Variants in VPS26B observed in about 807,000 individuals in gnomAD.
VPS26B encodes VPS26 retromer complex component B.
In VPS26B, 10 loss-of-function variants were observed where a neutral mutation model predicts 33.3. The ratio of observed to expected loss-of-function variants is 0.30; its 90% CI spans 0.19 to 0.51. The LOEUF (loss-of-function observed/expected upper bound fraction) is 0.51, where lower values mean the gene tolerates loss of function less well. Among genes scored for constraint, VPS26B ranks in the 20% least tolerant of loss-of-function variants. VPS26B has a pLI of 0.98. For missense variants in VPS26B, 317 were observed against 452.7 expected, an observed-to-expected ratio of 0.70 and a Z score of 2.72; for synonymous variants, 190 against 176.9, an observed-to-expected ratio of 1.07 and a Z score of -0.59.
At chr11:134,229,136 C>T (rs891890842) in intron 1 of VPS26B, among the ~76,000 whole-genome samples, 5 of 152,160 alleles carry the variant, frequency 3.3e-5, no homozygotes, top group Admixed American at 2.0e-4. Context: ...CTCAAGCAAT[C>T]CTCCCATCTC....
chr11:134,236,644 A>G (rs1434727250), intron 2 of VPS26B: 4 of 152,272 alleles, frequency 2.6e-5, no homozygotes, highest in African/African-American at 9.6e-5. Context: ...AAGGAAGGAC[A>G]TTCTGTCCTA....
At chr11:134,241,250 A>G (rs1398471816) in intron 3 of VPS26B, among the ~76,000 whole-genome samples, 1 of 151,526 alleles carries the variant, frequency 6.6e-6, no homozygotes, top group African/African-American at 2.4e-5. Flanking sequence ...ACTGTCATCC[A>G]GAGGCTGGGA....
chr11:134,232,137 C>T (rs1000894427), intron 1 of VPS26B, among the ~76,000 whole-genome samples: 1 of 149,956 alleles, frequency 6.7e-6, no homozygotes, highest in Non-Finnish European at 1.5e-5. Context: ...TAACCAAAAA[C>T]TTACTCAGTT....
At chr11:134,238,875 G>A (rs1050907497) in intron 2 of VPS26B, among the ~76,000 whole-genome samples, 4 of 152,192 alleles carry the variant, frequency 2.6e-5, no homozygotes, top group East Asian at 1.9e-4. Flanking sequence ...GATTACAGGC[G>A]TGAACCACCG....
In VPS26B at chr11:134,246,893, C is replaced by T. The variant is rs1360776438; in HGVS notation, c.*1303C>T. On this transcript the variant is annotated 3_prime_UTR_variant, in exon 6 of 6. Coordinates refer to ENST00000281187, the MANE Select transcript of VPS26B (RefSeq NM_052875.5). ...CTGGAAATGACAGGCATTACTCTCC[C>T]ATTGGCCTCCCTTCCCTTTATAGAA... is the stretch of plus-strand genomic sequence containing the variant. 1 of 152,116 alleles carries T rather than the reference C, an allele frequency of 6.6e-6. No individual in the cohort carries two copies. Among genetic ancestry groups the T allele is most frequent in the Non-Finnish European group, 1.5e-5 (1 of 68,038 alleles). The allele number at this position is 152,116 out of a possible 1,614,324, so 9.4% of individuals were successfully genotyped here.
At chr11:134,242,324 T>G (rs1938739661) in intron 3 of VPS26B, among the ~76,000 whole-genome samples, 1 of 152,226 alleles carries the variant, frequency 6.6e-6, no homozygotes, top group African/African-American at 2.4e-5. Flanking sequence ...CTCTACCCCC[T>G]ACTCACATCC....
In VPS26B at chr11:134,225,117, G is replaced by A. The variant is rs746158981; in HGVS notation, c.-6G>A. Reference sequence around the variant, plus strand: ...CTTACCGAGACCCGCCCGGCCCGGCGGTGCGATGAGCTTCTTCGGCTTCGG... The same window carrying A: ...CTTACCGAGACCCGCCCGGCCCGGCAGTGCGATGAGCTTCTTCGGCTTCGG... On this transcript the variant is annotated 5_prime_UTR_variant, in exon 1 of 6. Coordinates refer to ENST00000281187, the MANE Select transcript of VPS26B (RefSeq NM_052875.5). 3 of 1,597,334 alleles carry A rather than the reference G, an allele frequency of 1.9e-6. No homozygotes were observed. Among genetic ancestry groups the A allele is most frequent in the Non-Finnish European group, 2.6e-6 (3 of 1,170,204 alleles).
chr11:134,231,130 G>A (rs1228108556), intron 1 of VPS26B, among the ~76,000 whole-genome samples: 1 of 152,186 alleles, frequency 6.6e-6, no homozygotes, highest in Non-Finnish European at 1.5e-5. Flanking sequence ...GGAGACTAAT[G>A]GGTTAAATAA....
intron 1 of VPS26B, among the ~76,000 whole-genome samples, chr11:134,227,608 C>G (rs1296663292): frequency 6.6e-6 from 1 of 152,184 alleles, no homozygotes; most frequent in Non-Finnish European, 1.5e-5. Context: ...TGAATTTTCT[C>G]AGAACCTTTT....
chr11:134,227,455 CAG>C (rs367903497), intron 1 of VPS26B, among the ~76,000 whole-genome samples: 2 of 152,208 alleles, frequency 1.3e-5, no homozygotes, highest in African/African-American at 4.8e-5. Context: ...CTGCCCCAGA[CAG>C]TGTGAAATTA....
In VPS26B at chr11:134,240,221, G is replaced by A; in HGVS notation, c.545+66G>A. 1 of 1,539,264 alleles carries A rather than the reference G, an allele frequency of 6.5e-7. No homozygotes were observed. ...GGAGGTTAAGATGGGACTTGATGCA[G>A]ATGCAAACTGATGACCCTCTGTGAC... On this transcript the variant is annotated intron_variant, in intron 3 of 5. Transcript: ENST00000281187. This position sits in a 1 kb window ranked among gnomAD's most constrained non-coding sequence, Gnocchi z 4.4.
chr11:134,234,775 T>C lies in VPS26B; in HGVS notation c.224-122T>C, dbSNP rs531431320. On this transcript the variant is annotated intron_variant, in intron 1 of 5. Coordinates refer to ENST00000281187, the MANE Select transcript of VPS26B (RefSeq NM_052875.5). The stretch of plus-strand genomic sequence containing the variant: ...CAAGAAAACAAGGCTAGAAGGGGTC[T>C]GTTCTGCAGGGAGGTCCTTCCAGAA... 6 of 1,200,302 alleles carry C rather than the reference T, an allele frequency of 5.0e-6. No homozygotes were observed. In the African/African-American group the frequency reaches 9.2e-5, roughly 18 times the overall value. The allele number at this position is 1,200,302 out of a possible 1,614,324, so 74.4% of individuals were successfully genotyped here. A position where few individuals can be genotyped will look rare whatever the true frequency, so the allele number is the denominator to read the frequency against.
chr11:134,245,134 C>T lies in VPS26B; in HGVS notation c.864+54C>T, dbSNP rs1160465733. On this transcript the variant is annotated intron_variant, in intron 5 of 5. Coordinates refer to ENST00000281187, the MANE Select transcript of VPS26B (RefSeq NM_052875.5). This position sits in a 1 kb window ranked among gnomAD's most constrained non-coding sequence, Gnocchi z 4.7. ...TGCCCTTGGGACAGAACAGGAGGCT[C>T]TCTTTCCTATGGAAGGTCAGACTCC... 3 of 1,589,088 alleles carry T rather than the reference C, an allele frequency of 1.9e-6. No homozygotes were observed. The highest frequency in any genetic ancestry group is 1.4e-5 in the African/African-American group (1 of 73,880).
In VPS26B at chr11:134,234,953, G is replaced by T. The variant is rs767817735; in HGVS notation, c.280G>T (p.Ala94Ser). ...HEFVSLVKDLARPGEITQSQA... is the reference protein window; with the variant it reads ...HEFVSLVKDLSRPGEITQSQA... ...GTTTGTGTCCCTGGTGAAGGACCTG[G>T]CCCGGCCTGGAGAGATCACCCAGTC... Residue 94 changes from alanine to serine, a missense_variant, in exon 2 of 6, where the codon GCC becomes TCC. By Grantham distance (99) the Ala-to-Ser change is moderately conservative. Coordinates refer to ENST00000281187, the MANE Select transcript of VPS26B (RefSeq NM_052875.5). 14 of 1,614,158 alleles carry T rather than the reference G, an allele frequency of 8.7e-6. No homozygotes were observed. The South Asian group carries it at 1.5e-4, about 18-fold the overall frequency.
chr11:134,229,960 T>C (rs1938534573), intron 1 of VPS26B, among the ~76,000 whole-genome samples: 1 of 152,232 alleles, frequency 6.6e-6, no homozygotes, highest in Non-Finnish European at 1.5e-5. Flanking sequence ...CCTTTTCTTC[T>C]GGAATCTTGG....
At chr11:134,237,958 G>A in intron 2 of VPS26B, among the ~76,000 whole-genome samples, 1 of 152,198 alleles carries the variant, frequency 6.6e-6, no homozygotes, top group East Asian at 1.9e-4. Flanking sequence ...TGGGATTGGT[G>A]ACTTTGGAAA....
chr11:134,231,982 A>C (rs1938561779), intron 1 of VPS26B, among the ~76,000 whole-genome samples: 1 of 152,242 alleles, frequency 6.6e-6, no homozygotes, highest in South Asian at 2.1e-4. Context: ...GTGACCTGTG[A>C]TGCAAAGCTG....
chr11:134,236,015 T>A (rs1307907907), intron 2 of VPS26B, among the ~76,000 whole-genome samples: 1 of 152,172 alleles, frequency 6.6e-6, no homozygotes, highest in African/African-American at 2.4e-5. Flanking sequence ...TTCTCTGTCC[T>A]CCCTTCTTCC....
chr11:134,243,515 C>A, intron 4 of VPS26B: 1 of 567,818 alleles, frequency 1.8e-6, no homozygotes, highest in South Asian at 2.5e-5. Context: ...TGAAAAGTTG[C>A]ACTTAGACTT....
Sources: allele counts gnomAD v4.1 joint callset (sites outside exome capture counted in the v4.1 genomes callset), GRCh38; gene constraint gnomAD v4.1.1; non-coding constraint Gnocchi (gnomAD v3.1); transcripts MANE v1.5; gene names NCBI Gene and HGNC (gene_info 2026-07-23, HGNC 2026-07-21).